The following ASPSCR1 variants were observed in gnomAD, a reference collection of about 807,000 sequenced individuals.
The protein encoded by ASPSCR1 is ASPSCR1 tether for SLC2A4, UBX domain containing, also known as tether containing UBX domain for GLUT4.
ASPSCR1 carries 55 observed loss-of-function variants against 68.9 expected under a neutral mutation model. That is an observed-to-expected ratio of 0.80 (90% CI 0.64 to 1.00). ASPSCR1 has a LOEUF of 1.00. Ranked by LOEUF, ASPSCR1 falls within the 50% of genes least tolerant of loss-of-function variation. The pLI is 0.00. For missense variants in ASPSCR1, 765 were observed against 762.2 expected (o/e 1.00, Z -0.04); for synonymous variants, 352 against 332.6 (o/e 1.06, Z -0.63).
chr17:82,010,391 A>T (rs776459610), intron 9 of ASPSCR1, among the ~76,000 whole-genome samples: 105 of 151,526 alleles, frequency 6.9e-4, no homozygotes, highest in Non-Finnish European at 1.2e-3. Flanking sequence ...TAGTCAGGAG[A>T]GGTGGCGCAC....
Position 82,012,176 on chromosome 17 carries a change from A to G in ASPSCR1, c.1301-55A>G, listed in dbSNP as rs772136712. On this transcript the variant is annotated intron_variant, in intron 11 of 15. Transcript: ENST00000306739. ...TGCAGGCCTGTCTTCCTTCGGGCGCATGGATGGGCGAGGTCCACGGTGCTT... is the reference window on the plus strand; with the variant it reads ...TGCAGGCCTGTCTTCCTTCGGGCGCGTGGATGGGCGAGGTCCACGGTGCTT... 1.5e-5 allele frequency: 23 copies of G among 1,571,658 alleles called. No individual in the cohort carries two copies. The Admixed American group carries it at 2.5e-4, about 17-fold the overall frequency.
intron 9 of ASPSCR1, 74 bp downstream of exon 9, chr17:82,009,641 G>A: frequency 8.0e-7 from 1 of 1,243,944 alleles, no homozygotes; most frequent in South Asian, 1.4e-5. Flanking sequence ...TGGACGGGAT[G>A]GGGCGACTGA....
At chr17:81,998,928 G>A (rs2042441501) in intron 7 of ASPSCR1, among the ~76,000 whole-genome samples, 1 of 152,240 alleles carries the variant, frequency 6.6e-6, no homozygotes, top group African/African-American at 2.4e-5. Flanking sequence ...GTGTGTGGCT[G>A]TGGCCTGACC....
At chr17:82,010,181 C>G in intron 9 of ASPSCR1, 10 of 241,552 alleles carry the variant, frequency 4.1e-5, no homozygotes, top group South Asian at 3.5e-4. Context: ...CTCGGCCTCC[C>G]AAAGTTCTGG....
At chr17:82,012,340 C>G (rs989221809) in intron 12 of ASPSCR1, 57 bp downstream of exon 12, 7 of 1,565,004 alleles carry the variant, frequency 4.5e-6, no homozygotes, top group Admixed American at 3.3e-5. Flanking sequence ...GAGGGCAGGA[C>G]GAGAGCGTGA....
At chr17:81,980,381 G>A (rs2041758246) in intron 2 of ASPSCR1, among the ~76,000 whole-genome samples, 1 of 152,212 alleles carries the variant, frequency 6.6e-6, no homozygotes, top group African/African-American at 2.4e-5. Flanking sequence ...AGGCTCTCCT[G>A]GGAGGAGTTT....
chr17:82,002,003 C>CTTT (rs71166183), intron 7 of ASPSCR1, among the ~76,000 whole-genome samples: 30 of 93,814 alleles, frequency 3.2e-4, no homozygotes, highest in Admixed American at 4.1e-4. Flanking sequence ...TTTCTTTTTC[C>CTTT]TTTTTTTTTT....
intron 4 of ASPSCR1, among the ~76,000 whole-genome samples, chr17:81,991,670 C>T (rs1226706739): frequency 6.6e-6 from 1 of 152,244 alleles, no homozygotes; most frequent in African/African-American, 2.4e-5. Context: ...GAGCCTGCCC[C>T]AGGCTCTCCC....
In ASPSCR1 at chr17:82,014,664, G is replaced by A. The variant is rs555355121; in HGVS notation, c.1354-1812G>A. 52 of 201,696 alleles carry A rather than the reference G, an allele frequency of 2.6e-4. No homozygotes were observed. In the South Asian group the frequency reaches 4.7e-3, roughly 18 times the overall value. The allele number at this position is 201,696 out of a possible 1,614,324, so 12.5% of individuals were successfully genotyped here. On this transcript the variant is annotated intron_variant, in intron 12 of 15. Transcript: ENST00000306739. ...GGCTCCTCTCTTGGCTTCGTTCCCC[G>A]GAGGGTGGTGCTGTTCTCGTTGGAG...
rs2042446187 is a variant in ASPSCR1, at chr17:81,999,079, T to C, written c.933+2233T>C. Among the ~76,000 whole-genome samples, 1 of 152,106 alleles carries C rather than the reference T, an allele frequency of 6.6e-6. No homozygotes were observed. Among genetic ancestry groups the C allele is most frequent in the Admixed American group, 6.5e-5 (1 of 15,276 alleles). On this transcript the variant is annotated intron_variant, in intron 7 of 15. Transcript: ENST00000306739. This position sits in a 1 kb window ranked among gnomAD's most constrained non-coding sequence, Gnocchi z 4.4. ...GCTGCTGAAACCTGACTTCCTCAGC[T>C]TCCTCACCTGCAGAACTAAGGTGTT...
At chr17:81,984,931 CCACACCCGCA>C (rs1235338062) in intron 3 of ASPSCR1, among the ~76,000 whole-genome samples, 137 of 122,424 alleles carry the variant, frequency 1.1e-3, no homozygotes, top group African/African-American at 2.4e-3. Context: ...GCACACACCC[CCACACCCGCA>C]CACACCCGCA....
Position 81,990,949 on chromosome 17 carries a change from C to T in ASPSCR1, c.375-3872C>T, listed in dbSNP as rs919904257. Among the ~76,000 whole-genome samples the T allele has an allele frequency of 2.0e-5, 3 of 152,134 alleles. No individual in the cohort carries two copies. The highest frequency in any genetic ancestry group is 1.3e-4 in the Admixed American group (2 of 15,272). On this transcript the variant is annotated intron_variant, in intron 4 of 15. Coordinates refer to ENST00000306739, the MANE Select transcript of ASPSCR1 (RefSeq NM_024083.4). This position sits in a 1 kb window ranked among gnomAD's most constrained non-coding sequence, Gnocchi z 4.1. Reference sequence around the variant, plus strand: ...GGCGAGTCCCGTAGTTTGAATCCCACGTCCCGTAAGGACCTAGTTGCCAAG... The same window carrying T: ...GGCGAGTCCCGTAGTTTGAATCCCATGTCCCGTAAGGACCTAGTTGCCAAG...
intron 12 of ASPSCR1, 101 bp downstream of exon 12, chr17:82,012,384 C>A: frequency 7.2e-7 from 1 of 1,395,406 alleles, no homozygotes; most frequent in Non-Finnish European, 1.0e-6. Flanking sequence ...CTGGCAGGCG[C>A]TGGGGCAGGA....
At chr17:81,997,105 C>CACTCCGGGATGAGGCCGTGTGG (rs2042372542) in intron 7 of ASPSCR1, among the ~76,000 whole-genome samples, 1 of 144,178 alleles carries the variant, frequency 6.9e-6, no homozygotes, top group African/African-American at 2.6e-5. Context: ...AGGCCGTGTC[C>CACTCCGGGATGAGGCCGTGTGG]GCTCCGGGAT....
chr17:82,016,777 G>A (rs1184554678), intron 13 of ASPSCR1, 23 bp from the exon 14 acceptor site: 3 of 1,604,556 alleles, frequency 1.9e-6, no homozygotes, highest in Non-Finnish European at 2.5e-6. Flanking sequence ...AGAGGCTCAG[G>A]GTGAGCTTGG....
rs1245885267 is a variant in ASPSCR1 at position 82,017,015 on chromosome 17, C to T, written c.1550C>T (p.Ala517Val). 6.2e-7 allele frequency: 1 copy of T among 1,612,468 alleles called. No individual in the cohort carries two copies. Among genetic ancestry groups the T allele is most frequent in the African/African-American group, 1.3e-5 (1 of 74,934 alleles). The change falls in exon 15 of 16, where the codon GCT becomes GTT. Residue 517 changes from alanine (A) to valine (V), a missense_variant. Transcript: ENST00000306739. Reference sequence around the variant, plus strand: ...CCTGCACCTAAGTCTGAGCCAGCTGCTGAGGAGGGGGCGCTGGTCCCCCCT... The same window carrying T: ...CCTGCACCTAAGTCTGAGCCAGCTGTTGAGGAGGGGGCGCTGGTCCCCCCT... ...PDPAPKSEPA[A>V]EEGALVPPEP...
At chr17:81,979,290 C>G in intron 2 of ASPSCR1, 51 bp downstream of exon 2, 1 of 1,575,648 alleles carries the variant, frequency 6.3e-7, no homozygotes. Context: ...TGTGCCCCTG[C>G]CCCCTGAACA....
At position 81,983,455 on chromosome 17, in the gene ASPSCR1, A is replaced by G; in HGVS notation, c.159-99A>G. ...ACAGGACGTGGATGGCGGGGCGTGG[A>G]TGGCGGGGCGTGGATGGTGGGACGG... On this transcript the variant is annotated intron_variant, in intron 2 of 15. Transcript: ENST00000306739. The surrounding 1 kb of genome is among the most constrained non-coding windows in gnomAD (Gnocchi z 4.4). 2 of 986,730 alleles carry G rather than the reference A, an allele frequency of 2.0e-6. No individual in the cohort carries two copies. Among genetic ancestry groups the G allele is most frequent in the Non-Finnish European group, 3.1e-6 (2 of 654,822 alleles). The allele number at this position is 986,730 out of a possible 1,614,324, so 61.1% of individuals were successfully genotyped here.
At chr17:82,004,388 C>T (rs1313768837) in intron 7 of ASPSCR1, 1 of 152,344 alleles carries the variant, frequency 6.6e-6, no homozygotes, top group Non-Finnish European at 1.5e-5. Flanking sequence ...GTGGTCCGGT[C>T]CTTGGCGGCC....
Sources: allele counts gnomAD v4.1 joint callset (sites outside exome capture counted in the v4.1 genomes callset), GRCh38; gene constraint gnomAD v4.1.1; non-coding constraint Gnocchi (gnomAD v3.1); transcripts MANE v1.5; gene names NCBI Gene and HGNC (gene_info 2026-07-23, HGNC 2026-07-21).